Variants in OTOGL observed in about 807,000 individuals in gnomAD.
OTOGL encodes otogelin-like protein.
In OTOGL, 285 loss-of-function variants were observed where a neutral mutation model predicts 318.5. The ratio of observed to expected loss-of-function variants is 0.89; its 90% CI spans 0.81 to 0.99. The LOEUF (loss-of-function observed/expected upper bound fraction) is 0.99, where lower values mean the gene tolerates loss of function less well. Among genes scored for constraint, OTOGL ranks in the 50% least tolerant of loss-of-function variants. OTOGL has a pLI of 0.00. For synonymous variants in OTOGL, 987 were observed against 936.5 expected (o/e 1.05, Z -0.99); for missense variants, 2,899 against 2,845.6 (o/e 1.02, Z -0.43).
intron 1 of OTOGL, among the ~76,000 whole-genome samples, chr12:80,191,550 T>A (rs1334105261): frequency 6.6e-6 from 1 of 152,254 alleles, no homozygotes; most frequent in Non-Finnish European, 1.5e-5. Context: ...CTTAATATAT[T>A]CACATTTACT....
intron 48 of OTOGL, 27 bp from the exon 49 acceptor site, chr12:80,356,779 AT>A (rs1889931355): frequency 1.3e-5 from 18 of 1,430,588 alleles, no homozygotes; most frequent in Non-Finnish European, 1.7e-5. Flanking sequence ...TGCTATACAA[AT>A]TTTCTAATGT....
chr12:80,289,472 G>A (rs1884879221), intron 26 of OTOGL, among the ~76,000 whole-genome samples: 1 of 152,182 alleles, frequency 6.6e-6, no homozygotes, highest in Non-Finnish European at 1.5e-5. Flanking sequence ...CACAAACATT[G>A]AAGTCTGCTG....
Position 80,377,124 on chromosome 12 carries a change from C to A in OTOGL, c.6783C>A (p.Cys2261Ter). The change falls in exon 58 of 59, where the codon TGC becomes TGA. Residue 2261 changes from cysteine (C) to a stop codon, truncating the protein, a stop_gained and splice_region_variant. Coordinates refer to ENST00000547103, the MANE Select transcript of OTOGL (RefSeq NM_001378609.3). LOFTEE classifies it high-confidence loss of function. ...KLYNEGCCKI[C>*]KREERICQKV... ...TAAATACATTTTATATTTTATCAGGCAAACGAGAAGAAAGAATATGCCAGA... is the reference window on the plus strand; with the variant it reads ...TAAATACATTTTATATTTTATCAGGAAAACGAGAAGAAAGAATATGCCAGA... 6.2e-7 allele frequency: 1 copy of A among 1,601,322 alleles called. No homozygotes were observed. Among genetic ancestry groups the A allele is most frequent in the South Asian group, 1.1e-5 (1 of 88,832 alleles).
intron 44 of OTOGL, among the ~76,000 whole-genome samples, chr12:80,351,380 A>T (rs1889538848): frequency 6.6e-6 from 1 of 151,804 alleles, no homozygotes; most frequent in Admixed American, 6.6e-5. Flanking sequence ...CAGTGGTGCG[A>T]TCTCGGCTCA....
intron 24 of OTOGL, among the ~76,000 whole-genome samples, chr12:80,275,775 T>C (rs1393372378): frequency 6.6e-6 from 1 of 151,608 alleles, no homozygotes; most frequent in Non-Finnish European, 1.5e-5. Flanking sequence ...GCCATCAACA[T>C]TGAAGCAAAA....
chr12:80,371,167 A>G (rs1193991985), intron 56 of OTOGL, among the ~76,000 whole-genome samples: 1 of 152,090 alleles, frequency 6.6e-6, no homozygotes, highest in Non-Finnish European at 1.5e-5. Context: ...GTTTTGCTCT[A>G]TCAATTTCCC....
At chr12:80,339,305 T>TA in intron 43 of OTOGL, 41 bp downstream of exon 43, 2 of 1,332,694 alleles carry the variant, frequency 1.5e-6, no homozygotes, top group Non-Finnish European at 2.0e-6. Context: ...TCTGTTTTTT[T>TA]TTTTTTTTTT....
intron 1 of OTOGL, among the ~76,000 whole-genome samples, chr12:80,159,877 G>A (rs1248927600): frequency 6.6e-6 from 1 of 152,022 alleles, no homozygotes. Flanking sequence ...CACCAAAACA[G>A]CGTGGTACTT....
chr12:80,224,935 G>A (rs1403102341), intron 7 of OTOGL, among the ~76,000 whole-genome samples: 1 of 151,882 alleles, frequency 6.6e-6, no homozygotes, highest in Non-Finnish European at 1.5e-5. Context: ...AATGTTTGAG[G>A]GGATGCATAT....
chr12:80,343,521 TTTTTTTTTTTTTTTTA>T (rs1399262633), intron 44 of OTOGL: 1 of 131,118 alleles, frequency 7.6e-6, no homozygotes, highest in African/African-American at 3.1e-5. Context: ...TTTTTTTTTT[TTTTTTTTTTTTTTTTA>T]ACTTTCTTTT....
intron 27 of OTOGL, among the ~76,000 whole-genome samples, chr12:80,299,427 A>G (rs1885613053): frequency 6.6e-6 from 1 of 152,158 alleles, no homozygotes; most frequent in African/African-American, 2.4e-5. Flanking sequence ...TCGACTTCCA[A>G]TTTTCACTTG....
At chr12:80,222,376 G>A (rs1878435419) in intron 7 of OTOGL, 131 bp downstream of exon 7, 1 of 978,370 alleles carries the variant, frequency 1.0e-6, no homozygotes, top group African/African-American at 1.6e-5. Context: ...AGAGGGTCTG[G>A]GTTCAGTTAC....
At position 80,342,099 on chromosome 12, in the gene OTOGL, G is replaced by A. The variant is rs377062225; in HGVS notation, c.5202G>A (p.Glu1734=). ...TMRRPVRNCT[E]HDCSQCIDLL... is the part of the protein sequence containing the mutation. ...GAAGACCTGTTAGGAATTGTACTGA[G>A]CATGATTGCAGCCAGTGCATTGATT... The change falls in exon 44 of 59, where the codon GAG becomes GAA. Residue 1734 remains glutamate (E), a synonymous_variant. Coordinates refer to ENST00000547103, the MANE Select transcript of OTOGL (RefSeq NM_001378609.3). The A allele has an allele frequency of 1.7e-5, 27 of 1,605,490 alleles. No individual in the cohort carries two copies. The African/African-American group carries it at 3.3e-4, about 20-fold the overall frequency.
chr12:80,145,415 A>T (rs1872276865), intron 1 of OTOGL, among the ~76,000 whole-genome samples: 2 of 151,784 alleles, frequency 1.3e-5, no homozygotes, highest in South Asian at 4.2e-4. Flanking sequence ...CCATTGATCT[A>T]TATCTCTGTT....
At chr12:80,149,101 C>G (rs889921665) in intron 1 of OTOGL, among the ~76,000 whole-genome samples, 1 of 152,186 alleles carries the variant, frequency 6.6e-6, no homozygotes, top group African/African-American at 2.4e-5. Flanking sequence ...TGGTGAGGAA[C>G]TGCGTTCCTT....
At position 80,336,069 on chromosome 12, in the gene OTOGL, C is replaced by CAG. The variant is rs1243920082; in HGVS notation, c.4529_4530insAG (p.Asp1511ValfsTer12). 1.3e-6 allele frequency: 2 copies of CAG among 1,598,802 alleles called. No individual in the cohort carries two copies. Among genetic ancestry groups the CAG allele is most frequent in the Admixed American group, 3.3e-5 (2 of 59,910 alleles). On this transcript the variant is annotated frameshift_variant, in exon 39 of 59. Transcript: ENST00000547103. LOFTEE classifies it high-confidence loss of function. ...AATTGCCCAAAGGACGTGGAAATGC[C>CAG]TGACTGTGGTTTCCGAGGAAGGCCA...
chr12:80,340,150 T>A (rs1888672792), intron 43 of OTOGL, among the ~76,000 whole-genome samples: 1 of 152,164 alleles, frequency 6.6e-6, no homozygotes, highest in Admixed American at 6.5e-5. Context: ...ATTAATTAAA[T>A]AAAAGTTTAT....
At chr12:80,103,387 A>G (rs1417145087) in intron 1 of OTOGL, 1 of 898,708 alleles carries the variant, frequency 1.1e-6, no homozygotes, top group Non-Finnish European at 1.8e-6. Flanking sequence ...TGCAGGCTTC[A>G]CATTCCTTTT....
intron 11 of OTOGL, among the ~76,000 whole-genome samples, chr12:80,249,419 C>T (rs533091398): frequency 1.6e-4 from 24 of 151,466 alleles, no homozygotes; most frequent in Middle Eastern, 3.4e-3. Flanking sequence ...TTGGAATACC[C>T]TGCCGTGTGA....
Sources: gnomAD v4.1 joint callset for allele counts (sites outside exome capture counted in the v4.1 genomes callset) on GRCh38, gnomAD v4.1.1 for gene constraint, MANE v1.5 for transcripts, NCBI Gene and HGNC (gene_info 2026-07-23, HGNC 2026-07-21) for gene names.